Variants in MIA2 observed in about 807,000 individuals in gnomAD.
The protein encoded by MIA2 is MIA SH3 domain ER export factor 2.
In MIA2, 127 loss-of-function variants were observed where a neutral mutation model predicts 167.8. That is an observed-to-expected ratio of 0.76 (90% confidence interval 0.66 to 0.88). The LOEUF (loss-of-function observed/expected upper bound fraction) is 0.88. MIA2 is among the 40% of genes least tolerant of loss of function. The pLI is 0.00. For missense variants in MIA2, 1,690 were observed against 1,624.7 expected (o/e 1.04, Z -0.69); for synonymous variants, 552 against 541.9 (o/e 1.02, Z -0.26).
In MIA2 at chr14:39,384,790, ACT is replaced by A. The variant is rs369347483; in HGVS notation, c.2249-2093_2249-2092del. ...GACATACATACATGTGCACGCGCAC[ACT>A]CACACACACACACACATCTTATTTT... On this transcript the variant is annotated intron_variant, in intron 23 of 23. Coordinates refer to the MIA2 transcript ENST00000341502. 8.3e-4 allele frequency among the ~76,000 whole-genome samples: 127 copies of A among 152,206 alleles called. 1 individual carries two copies. Among genetic ancestry groups the A allele is most frequent in the African/African-American group, 2.9e-3 (119 of 41,498 alleles).
intron 13 of MIA2, among the ~76,000 whole-genome samples, chr14:39,295,497 T>G (rs1335102604): frequency 1.3e-5 from 2 of 152,220 alleles, no homozygotes; most frequent in Non-Finnish European, 2.9e-5. Flanking sequence ...AATTTTTCAG[T>G]GATTAAATTA....
rs2074253545 is a variant in MIA2 at position 39,350,349 on chromosome 14, T to C, written c.*85T>C. 1 of 583,632 alleles carries C rather than the reference T, an allele frequency of 1.7e-6. No individual in the cohort carries two copies. The highest frequency in any genetic ancestry group is 1.9e-5 in the African/African-American group (1 of 51,866). 36.2% of individuals were successfully genotyped at this position (583,632 alleles called of 1,614,324 possible). A position where few individuals can be genotyped will look rare whatever the true frequency, so the allele number is the denominator to read the frequency against. ...TGCTGTTACTTAAGTGATTACACTT[T>C]TGCTCAAATTGAAGCTTAATGGAAT... On this transcript the variant is annotated 3_prime_UTR_variant, in exon 29 of 29. Transcript: ENST00000640607.
intron 6 of MIA2, among the ~76,000 whole-genome samples, chr14:39,260,416 GTATCTCATTGTGGTTTTGATT>G (rs1355825152): frequency 1.3e-5 from 2 of 152,150 alleles, no homozygotes; most frequent in Non-Finnish European, 2.9e-5. Context: ...GTGTGAGATG[GTATCTCATTGTGGTTTTGATT>G]TGCATTTCTC....
At position 39,346,045 on chromosome 14, in the gene MIA2, T is replaced by A. The variant is rs1393883913; in HGVS notation, c.3778+19T>A. 6.2e-7 allele frequency: 1 copy of A among 1,601,158 alleles called. No homozygotes were observed. The highest frequency in any genetic ancestry group is 1.3e-5 in the African/African-American group (1 of 74,150). On this transcript the variant is annotated intron_variant, in intron 26 of 28. Coordinates refer to ENST00000640607, the MANE Select transcript of MIA2 (RefSeq NM_001329214.4). ...AAAATGGGTAAGAAGTACTTTGTGC[T>A]TTTCTTCTTTAAAAATTTTGGTGGC...
At chr14:39,269,386 C>T (rs1435764126) in intron 6 of MIA2, among the ~76,000 whole-genome samples, 3 of 151,926 alleles carry the variant, frequency 2.0e-5, no homozygotes, top group Non-Finnish European at 2.9e-5. Flanking sequence ...TATTTTCTGT[C>T]TCTATGAACA....
At chr14:39,353,063 T>A (rs570080951), downstream of MIA2, among the ~76,000 whole-genome samples, 26 of 152,264 alleles carry the variant, frequency 1.7e-4, no homozygotes, top group African/African-American at 6.3e-4. Context: ...CTTTTTCTTT[T>A]ATTGGCACAT....
At chr14:39,381,023 A>AAC (rs1491585426) in intron 23 of MIA2, among the ~76,000 whole-genome samples, 6 of 114,018 alleles carry the variant, frequency 5.3e-5, no homozygotes, top group African/African-American at 2.2e-4. Flanking sequence ...TAAAAAAAAC[A>AAC]AAAAAAAAAA....
downstream of MIA2, among the ~76,000 whole-genome samples, chr14:39,355,264 G>T (rs956057335): frequency 5.3e-5 from 8 of 152,128 alleles, no homozygotes; most frequent in Non-Finnish European, 1.0e-4. Context: ...TCTTGAACAG[G>T]TTCTTCACAT....
At chr14:39,279,151 ACT>A (rs1336583532) in intron 7 of MIA2, among the ~76,000 whole-genome samples, 184 bp from the exon 8 acceptor site, 1 of 107,656 alleles carries the variant, frequency 9.3e-6, no homozygotes, top group Admixed American at 1.2e-4. Context: ...ACAGAGCAAG[ACT>A]CTGTCTCAAA....
chr14:39,235,062 G>C (rs1396051865), intron 1 of MIA2, among the ~76,000 whole-genome samples: 1 of 150,014 alleles, frequency 6.7e-6, no homozygotes, highest in African/African-American at 2.5e-5. Context: ...CTGAGATGGA[G>C]TCTTGCTCTG....
At position 39,302,350 on chromosome 14, in the gene MIA2, T is replaced by G; in HGVS notation, c.2740+101T>G. 5.9e-6 allele frequency: 8 copies of G among 1,361,308 alleles called. 1 individual carries two copies. The allele number at this position is 1,361,308 out of a possible 1,614,324, so 84.3% of individuals were successfully genotyped here. A position where few individuals can be genotyped will look rare whatever the true frequency, so the allele number is the denominator to read the frequency against. On this transcript the variant is annotated intron_variant, in intron 15 of 28. Transcript: ENST00000640607. ...ACCATGTTCTTTATATGCTTTTACT[T>G]TGGCACATTCTGTCTGTCTGTGACA...
intron 13 of MIA2, among the ~76,000 whole-genome samples, chr14:39,299,474 A>C (rs2062056820): frequency 6.6e-6 from 1 of 151,916 alleles, no homozygotes; most frequent in South Asian, 2.1e-4. Flanking sequence ...TGCCAAGCTA[A>C]TTTTTGTGTT....
At chr14:39,269,074 G>GTTTTTGTT (rs2056604365) in intron 6 of MIA2, 13 of 583,230 alleles carry the variant, frequency 2.2e-5, no homozygotes, top group African/African-American at 2.8e-5. Flanking sequence ...CACCTGCACA[G>GTTTTTGTT]TTTTTTTTTT....
At chr14:39,371,906 G>C (rs879915786) in intron 23 of MIA2, among the ~76,000 whole-genome samples, 1 of 151,808 alleles carries the variant, frequency 6.6e-6, no homozygotes, top group Non-Finnish European at 1.5e-5. Flanking sequence ...ACATCTCTAA[G>C]CTTACATGGT....
intron 9 of MIA2, among the ~76,000 whole-genome samples, chr14:39,288,188 G>A (rs765013124): frequency 2.0e-5 from 3 of 151,834 alleles, no homozygotes; most frequent in Non-Finnish European, 2.9e-5. Context: ...TGGGCTGGAC[G>A]TGAGGGTGTG....
At chr14:39,357,507 G>C (rs900584156) in intron 23 of MIA2, among the ~76,000 whole-genome samples, 3 of 151,972 alleles carry the variant, frequency 2.0e-5, no homozygotes, top group Non-Finnish European at 4.4e-5. Context: ...TCTTCATTCA[G>C]TTTGCCAGTC....
chr14:39,304,236 TA>T (rs961110811), intron 16 of MIA2, 54 bp from the exon 17 acceptor site: 14 of 825,722 alleles, frequency 1.7e-5, no homozygotes, highest in African/African-American at 1.5e-4. Context: ...TTTTTATTTT[TA>T]TTTTTTTGTA....
At chr14:39,315,270 C>G (rs1052158257) in intron 20 of MIA2, 1 of 159,562 alleles carries the variant, frequency 6.3e-6, no homozygotes, top group Non-Finnish European at 1.3e-5. Context: ...GTCACTTGCA[C>G]TCCAGCCTGG....
intron 19 of MIA2, among the ~76,000 whole-genome samples, chr14:39,314,383 G>GT (rs1292691896): frequency 4.9e-5 from 2 of 41,052 alleles, no homozygotes; most frequent in Non-Finnish European, 7.1e-5. Context: ...GCGACACTCT[G>GT]TTTAAAAAAA....
Sources: allele counts gnomAD v4.1 joint callset (sites outside exome capture counted in the v4.1 genomes callset), GRCh38; gene constraint gnomAD v4.1.1; transcripts MANE v1.5; gene names NCBI Gene and HGNC (gene_info 2026-07-23, HGNC 2026-07-21).